Variants in TAOK3 observed in about 807,000 individuals in gnomAD.
TAOK3 encodes serine/threonine-protein kinase TAO3.
A neutral mutation model predicts 120.4 loss-of-function variants in TAOK3; 40 were observed. That is an observed-to-expected ratio of 0.33 (90% CI 0.26 to 0.43). The LOEUF is 0.43. Ranked by LOEUF, TAOK3 falls within the 20% of genes least tolerant of loss-of-function variation. The pLI, the probability that TAOK3 is intolerant of heterozygous loss-of-function variation, is 1.00. For synonymous variants in TAOK3, 355 were observed against 387.5 expected, an observed-to-expected ratio of 0.92 and a Z score of 0.99; for missense variants, 821 against 1,112.1, an observed-to-expected ratio of 0.74 and a Z score of 3.72.
intron 14 of TAOK3, among the ~76,000 whole-genome samples, chr12:118,181,967 T>C (rs2036754957): frequency 6.6e-6 from 1 of 152,122 alleles, no homozygotes; most frequent in South Asian, 2.1e-4. Flanking sequence ...GGCAGACCAC[T>C]TGAGGTCAGG....
intron 11 of TAOK3, among the ~76,000 whole-genome samples, chr12:118,206,603 A>C (rs1369743042): frequency 6.7e-6 from 1 of 149,790 alleles, no homozygotes; most frequent in Non-Finnish European, 1.5e-5. Flanking sequence ...GTTTTTTTTT[A>C]TTTTTATTTT....
intron 1 of TAOK3, among the ~76,000 whole-genome samples, chr12:118,315,691 A>C (rs1389367068): frequency 6.6e-6 from 1 of 152,038 alleles, no homozygotes; most frequent in African/African-American, 2.4e-5. Flanking sequence ...CATTTTTAAA[A>C]AGAAAATAAT....
At chr12:118,360,207 G>A (rs1315684349) in intron 1 of TAOK3, among the ~76,000 whole-genome samples, 1 of 151,570 alleles carries the variant, frequency 6.6e-6, no homozygotes, top group Non-Finnish European at 1.5e-5. Context: ...GGAGGCTGCA[G>A]TGAGCCAAGA....
At chr12:118,177,100 A>T in intron 16 of TAOK3, 101 bp downstream of exon 16, 1 of 1,270,130 alleles carries the variant, frequency 7.9e-7, no homozygotes, top group Non-Finnish European at 1.1e-6. Context: ...AAAGTTTGAG[A>T]CTCACTGGAC....
In TAOK3 at chr12:118,160,475, A is replaced by C. The variant is rs772243027; in HGVS notation, c.2140-117T>G. 15 of 777,576 alleles carry C rather than the reference A, an allele frequency of 1.9e-5. No individual in the cohort carries two copies. Among genetic ancestry groups the C allele is most frequent in the African/African-American group, 3.5e-5 (2 of 57,514 alleles). The allele number at this position is 777,576 out of a possible 1,614,324, so 48.2% of individuals were successfully genotyped here. ...CGTCTGTTTTTTGGTGCAGTGACTCACATTGCTAATCAATAAAAATCAAGC... is the reference window on the plus strand; with the variant it reads ...CGTCTGTTTTTTGGTGCAGTGACTCCCATTGCTAATCAATAAAAATCAAGC... On this transcript the variant is annotated intron_variant, in intron 18 of 20. Transcript: ENST00000392533. This position sits in a 1 kb window ranked among gnomAD's most constrained non-coding sequence, Gnocchi z 4.2.
chr12:118,240,243 G>T (rs1298988585), intron 5 of TAOK3, among the ~76,000 whole-genome samples: 3 of 147,400 alleles, frequency 2.0e-5, no homozygotes, highest in Non-Finnish European at 3.0e-5. Context: ...GCAATGGCAC[G>T]ATCTTGGCTC....
chr12:118,290,846 T>C (rs973563150), intron 1 of TAOK3, among the ~76,000 whole-genome samples: 1 of 151,868 alleles, frequency 6.6e-6, no homozygotes, highest in Non-Finnish European at 1.5e-5. Context: ...GGCTAAAAAA[T>C]GCTTGTTGAA....
intron 1 of TAOK3, among the ~76,000 whole-genome samples, chr12:118,331,425 G>A (rs932617275): frequency 7.2e-5 from 11 of 151,844 alleles, no homozygotes; most frequent in Admixed American, 1.3e-4. Flanking sequence ...TAGGTGGATC[G>A]CTTGAGGCCA....
At chr12:118,229,794 G>C (rs942305722) in intron 9 of TAOK3, among the ~76,000 whole-genome samples, 10 of 152,020 alleles carry the variant, frequency 6.6e-5, no homozygotes, top group African/African-American at 2.4e-4. Context: ...AGCCAGGCGT[G>C]GCGGCATGCA....
chr12:118,320,805 T>C (rs1396949610), intron 1 of TAOK3, among the ~76,000 whole-genome samples: 9 of 152,132 alleles, frequency 5.9e-5, no homozygotes, highest in Admixed American at 2.6e-4. Flanking sequence ...AGTAGAATAA[T>C]TGAAAATGAA....
At chr12:118,179,297 T>C (rs559888671) in intron 15 of TAOK3, among the ~76,000 whole-genome samples, 1 of 152,308 alleles carries the variant, frequency 6.6e-6, no homozygotes, top group Non-Finnish European at 1.5e-5. Flanking sequence ...GGAGCACATG[T>C]CCACCACATT....
intron 1 of TAOK3, among the ~76,000 whole-genome samples, chr12:118,318,145 T>C (rs1307083164): frequency 6.7e-6 from 1 of 150,240 alleles, no homozygotes; most frequent in Non-Finnish European, 1.5e-5. Flanking sequence ...AAATAAGATA[T>C]AAAGCTATAA....
chr12:118,154,613 G>A (rs1016516718), intron 19 of TAOK3, among the ~76,000 whole-genome samples: 1 of 151,828 alleles, frequency 6.6e-6, no homozygotes, highest in South Asian at 2.1e-4. Flanking sequence ...CTAATTTTTT[G>A]TATTTTTAAT....
intron 1 of TAOK3, among the ~76,000 whole-genome samples, chr12:118,286,121 C>T (rs55833534): frequency 0.12 from 18,561 of 152,134 alleles, 1,221 homozygotes; most frequent in Middle Eastern, 0.15. Context: ...TTCCCTTTAG[C>T]TTAGTGATTT....
chr12:118,205,505 G>T (rs1317934322), intron 11 of TAOK3, among the ~76,000 whole-genome samples: 1 of 152,134 alleles, frequency 6.6e-6, no homozygotes, highest in African/African-American at 2.4e-5. Context: ...TCTGCCAGGG[G>T]TGTGGGTGGT....
chr12:118,195,069 A>G (rs2037643148), intron 13 of TAOK3, among the ~76,000 whole-genome samples: 1 of 152,050 alleles, frequency 6.6e-6, no homozygotes, highest in African/African-American at 2.4e-5. Context: ...TTTTTAAACA[A>G]TAGTTTCTGG....
At chr12:118,259,798 T>C (rs139679935) in intron 2 of TAOK3, among the ~76,000 whole-genome samples, 1 of 151,802 alleles carries the variant, frequency 6.6e-6, no homozygotes, top group Non-Finnish European at 1.5e-5. Context: ...GTGAGTAGAG[T>C]TGGCAGGGCA....
intron 9 of TAOK3, among the ~76,000 whole-genome samples, chr12:118,217,345 G>A (rs2038957022): frequency 1.3e-5 from 2 of 152,100 alleles, no homozygotes. Flanking sequence ...GTTATATTTT[G>A]GAGGGGCATC....
At chr12:118,194,331 G>A (rs1429905508) in intron 13 of TAOK3, among the ~76,000 whole-genome samples, 1 of 152,160 alleles carries the variant, frequency 6.6e-6, no homozygotes, top group East Asian at 1.9e-4. Context: ...GGGGCTGGAG[G>A]AAGGGGAGGA....
Sources: gnomAD v4.1 joint callset for allele counts (sites outside exome capture counted in the v4.1 genomes callset) on GRCh38, gnomAD v4.1.1 for gene constraint, Gnocchi (gnomAD v3.1) non-coding constraint, MANE v1.5 for transcripts, NCBI Gene and HGNC (gene_info 2026-07-23, HGNC 2026-07-21) for gene names.